The following RAPH1 variants were observed in gnomAD, a reference collection of about 807,000 sequenced individuals.
RAPH1 encodes ras-associated and pleckstrin homology domains-containing protein 1.
Under a neutral mutation model 88.1 loss-of-function variants are expected in RAPH1, and 18 were observed. That is an observed-to-expected ratio of 0.20 (90% CI 0.14 to 0.30). RAPH1 has a LOEUF of 0.30. Among genes scored for constraint, RAPH1 ranks in the 10% least tolerant of loss-of-function variants. The pLI is 1.00. For missense variants in RAPH1, 1,448 were observed against 1,543.2 expected (o/e 0.94, Z 1.03); for synonymous variants, 587 against 559.0 (o/e 1.05, Z -0.71).
At chr2:203,480,298 C>A (rs578017606) in intron 4 of RAPH1, among the ~76,000 whole-genome samples, 278 of 152,318 alleles carry the variant, frequency 1.8e-3, no homozygotes, top group African/African-American at 6.5e-3. Context: ...CCTGTAATCC[C>A]AGCACTTTGG....
Position 203,495,171 on chromosome 2 carries a change from A to G in RAPH1, c.120+63T>C, listed in dbSNP as rs545771500. 2.5e-6 allele frequency: 4 copies of G among 1,587,512 alleles called. No individual in the cohort carries two copies. In the East Asian group the frequency reaches 9.0e-5, roughly 36 times the overall value. On this transcript the variant is annotated intron_variant, in intron 2 of 13. Transcript: ENST00000319170. ...AACTTATATCCATATCCTCTTCTGC[A>G]CATTAAACTTTTAACACAATGGTGA... is the stretch of plus-strand genomic sequence containing the variant.
At chr2:203,496,364 A>ATAAG (rs1195279708) in intron 1 of RAPH1, among the ~76,000 whole-genome samples, 5 of 93,494 alleles carry the variant, frequency 5.3e-5, no homozygotes, top group African/African-American at 2.4e-4. Context: ...GTCTCAAAAA[A>ATAAG]TAAATAAATA....
At chr2:203,518,364 A>G (rs1309485794) in intron 1 of RAPH1, among the ~76,000 whole-genome samples, 2 of 151,976 alleles carry the variant, frequency 1.3e-5, no homozygotes, top group Non-Finnish European at 2.9e-5. Context: ...AAAACAATAC[A>G]AAAATTAGCC....
rs2098503664 is a variant in RAPH1 at position 203,441,244 on chromosome 2, AGTGGGGGAGGAGGGGGTGGTGGAGGGG to A, written c.1919_1945del (p.Pro640_Pro648del). On this transcript the variant is annotated inframe_deletion, in exon 14 of 14. Transcript: ENST00000319170. The stretch of plus-strand genomic sequence containing the variant: ...TGCAGAAGGTGCAGACTGGCTGGGG[AGTGGGGGAGGAGGGGGTGGTGGAGGGG>A]GTGGTGGAGGAGGAGGTGGGGGTGG... 3.7e-6 allele frequency: 2 copies of A among 534,430 alleles called. No homozygotes were observed. Among genetic ancestry groups the A allele is most frequent in the Non-Finnish European group, 4.8e-6 (2 of 419,606 alleles). The allele number at this position is 534,430 out of a possible 1,614,324, so 33.1% of individuals were successfully genotyped here. A position where few individuals can be genotyped will look rare whatever the true frequency, so the allele number is the denominator to read the frequency against.
intron 12 of RAPH1, chr2:203,446,626 A>G (rs2098509916): frequency 6.6e-6 from 1 of 152,224 alleles, no homozygotes; most frequent in African/African-American, 2.4e-5. Context: ...ACTCATGGAT[A>G]TTTATGTCCA....
chr2:203,445,901 T>C (rs1022685300), intron 12 of RAPH1: 7 of 152,218 alleles, frequency 4.6e-5, no homozygotes, highest in African/African-American at 1.7e-4. Context: ...AATTCCTACA[T>C]ACCCGGCATC....
intron 4 of RAPH1, among the ~76,000 whole-genome samples, chr2:203,484,917 A>C (rs917274816): frequency 7.9e-5 from 12 of 152,206 alleles, no homozygotes; most frequent in African/African-American, 2.9e-4. Flanking sequence ...GAGGGAGTCC[A>C]TACAGCTCAC....
chr2:203,463,890 A>G (rs966246166), intron 4 of RAPH1, among the ~76,000 whole-genome samples: 1 of 152,236 alleles, frequency 6.6e-6, no homozygotes, highest in Non-Finnish European at 1.5e-5. Flanking sequence ...CAGTTTTTAG[A>G]ATTATGAGTC....
chr2:203,449,332 C>A (rs971789057), intron 10 of RAPH1, among the ~76,000 whole-genome samples: 1 of 152,186 alleles, frequency 6.6e-6, no homozygotes, highest in African/African-American at 2.4e-5. Context: ...GCACCTGGGA[C>A]AAGAATCTAC....
chr2:203,460,860 T>C (rs530086897), intron 6 of RAPH1, among the ~76,000 whole-genome samples: 2 of 152,238 alleles, frequency 1.3e-5, no homozygotes, highest in South Asian at 4.1e-4. Context: ...TTCACGCCTG[T>C]AATCCCAGCA....
intron 12 of RAPH1, 60 bp downstream of exon 12, chr2:203,447,899 A>T: frequency 6.5e-7 from 1 of 1,543,644 alleles, no homozygotes; most frequent in South Asian, 1.2e-5. Context: ...GTCTACTATC[A>T]GTCTCTACAG....
chr2:203,500,821 T>C (rs572291756), intron 1 of RAPH1, among the ~76,000 whole-genome samples: 3 of 152,300 alleles, frequency 2.0e-5, no homozygotes, highest in Admixed American at 6.5e-5. Context: ...GGAAATCAGG[T>C]ACCATGAGGA....
chr2:203,487,411 T>C (rs1012272269), intron 4 of RAPH1, among the ~76,000 whole-genome samples: 4 of 150,650 alleles, frequency 2.7e-5, no homozygotes, highest in Admixed American at 6.7e-5. Context: ...GTAGACGGAG[T>C]CTTGCTGTTG....
At chr2:203,480,234 G>A (rs900499829) in intron 4 of RAPH1, among the ~76,000 whole-genome samples, 2 of 152,132 alleles carry the variant, frequency 1.3e-5, no homozygotes, top group East Asian at 3.9e-4. Flanking sequence ...TTGGGGTTGG[G>A]GTGGGAGTGC....
chr2:203,485,933 G>T (rs1447517441), intron 4 of RAPH1, among the ~76,000 whole-genome samples: 2 of 152,030 alleles, frequency 1.3e-5, no homozygotes, highest in Non-Finnish European at 2.9e-5. Flanking sequence ...TTTGATGAAA[G>T]TTCATAGACT....
intron 1 of RAPH1, among the ~76,000 whole-genome samples, chr2:203,518,200 C>T (rs1226653295): frequency 6.6e-6 from 1 of 152,098 alleles, no homozygotes; most frequent in African/African-American, 2.4e-5. Context: ...ACAGATCTTA[C>T]AGACATTAAA....
intron 1 of RAPH1, among the ~76,000 whole-genome samples, chr2:203,515,867 A>T (rs1369218019): frequency 6.6e-6 from 1 of 152,234 alleles, no homozygotes; most frequent in Non-Finnish European, 1.5e-5. Flanking sequence ...TTTGCAAGAA[A>T]TATTAAAAGA....
At chr2:203,482,091 G>A (rs1179444899) in intron 4 of RAPH1, among the ~76,000 whole-genome samples, 1 of 151,916 alleles carries the variant, frequency 6.6e-6, no homozygotes, top group Non-Finnish European at 1.5e-5. Flanking sequence ...ATTATTGGGG[G>A]GGTTTATTTG....
intron 1 of RAPH1, among the ~76,000 whole-genome samples, chr2:203,506,866 A>ATCTCTC (rs1553630572): frequency 6.6e-5 from 6 of 90,662 alleles, no homozygotes; most frequent in Non-Finnish European, 9.7e-5. Context: ...CTATATATAT[A>ATCTCTC]TATATATATA....
Sources: gnomAD v4.1 joint callset for allele counts (sites outside exome capture counted in the v4.1 genomes callset) on GRCh38, gnomAD v4.1.1 for gene constraint, MANE v1.5 for transcripts, NCBI Gene and HGNC (gene_info 2026-07-23, HGNC 2026-07-21) for gene names.